HYAL4: variants seen among roughly 807,000 people sequenced by gnomAD.
HYAL4 encodes hyaluronidase 4, also known as hyaluronidase-4.
HYAL4 carries 37 observed loss-of-function variants against 35.2 expected under a neutral mutation model. The ratio of observed to expected loss-of-function variants is 1.05; its 90% CI spans 0.81 to 1.38. HYAL4 has a LOEUF of 1.38. HYAL4 is among the 40% of genes most tolerant of loss of function. The pLI, the probability that HYAL4 is intolerant of heterozygous loss-of-function variation, is 0.00. For synonymous variants in HYAL4, 198 were observed against 203.2 expected, an observed-to-expected ratio of 0.97 and a Z score of 0.22; for missense variants, 572 against 572.4, an observed-to-expected ratio of 1.00 and a Z score of 0.01.
chr7:123,876,399 C>A (rs1054378707), intron 4 of HYAL4, among the ~76,000 whole-genome samples: 1 of 152,124 alleles, frequency 6.6e-6, no homozygotes, highest in Non-Finnish European at 1.5e-5. Flanking sequence ...TCCTTTTATA[C>A]CCATTAACTT....
At chr7:123,801,346 T>C in the HYAL4 span, among the ~76,000 whole-genome samples, 54,058 of 152,020 alleles carry the variant, frequency 0.36, 9,876 homozygotes, top group Middle Eastern at 0.43. Flanking sequence ...AGTTATTAAT[T>C]CAGAAAAGGA....
the HYAL4 span, among the ~76,000 whole-genome samples, chr7:123,808,083 C>T: frequency 2.0e-5 from 3 of 151,792 alleles, no homozygotes; most frequent in Non-Finnish European, 2.9e-5. Context: ...CCAGCCAGGG[C>T]TCAAGCTTTC....
chr7:123,796,658 A>G, the HYAL4 span, among the ~76,000 whole-genome samples: 1 of 152,232 alleles, frequency 6.6e-6, no homozygotes, highest in East Asian at 1.9e-4. Context: ...AGCAGTATTC[A>G]TAATAGCCAA....
intron 3 of HYAL4, among the ~76,000 whole-genome samples, chr7:123,873,592 G>A (rs1209805067): frequency 6.6e-6 from 1 of 152,102 alleles, no homozygotes; most frequent in Non-Finnish European, 1.5e-5. Context: ...CGTTTAATTG[G>A]TAGAAATTCA....
At chr7:123,805,240 T>C in the HYAL4 span, among the ~76,000 whole-genome samples, 1 of 152,362 alleles carries the variant, frequency 6.6e-6, no homozygotes, top group African/African-American at 2.4e-5. Flanking sequence ...GACTTTCATA[T>C]ATTAATCTTG....
At chr7:123,786,633 A>G in the HYAL4 span, among the ~76,000 whole-genome samples, 1 of 152,116 alleles carries the variant, frequency 6.6e-6, no homozygotes, top group Non-Finnish European at 1.5e-5. Context: ...AATCTAGTAA[A>G]TGGGGTAGTT....
chr7:123,776,908 CAG>C, the HYAL4 span, among the ~76,000 whole-genome samples: 1 of 152,178 alleles, frequency 6.6e-6, no homozygotes, highest in Admixed American at 6.5e-5. Context: ...AGTGGCTTCT[CAG>C]CCAAGGTTGG....
At chr7:123,795,075 A>T in the HYAL4 span, among the ~76,000 whole-genome samples, 1 of 152,226 alleles carries the variant, frequency 6.6e-6, no homozygotes, top group African/African-American at 2.4e-5. Flanking sequence ...GTCAAAGGAG[A>T]TAATTTTTTA....
intron 2 of HYAL4, among the ~76,000 whole-genome samples, chr7:123,853,732 C>G (rs1806365826): frequency 6.6e-6 from 1 of 152,168 alleles, no homozygotes; most frequent in African/African-American, 2.4e-5. Flanking sequence ...CAGGATGATG[C>G]TGGCCTCATA....
intron 2 of HYAL4, 51 bp from the exon 3 acceptor site, chr7:123,868,172 G>C (rs1794762594): frequency 1.9e-6 from 1 of 524,300 alleles, no homozygotes; most frequent in Non-Finnish European, 3.3e-6. Flanking sequence ...TTTATTATTT[G>C]AGTCTTTTTC....
the HYAL4 span, among the ~76,000 whole-genome samples, chr7:123,772,859 C>T: frequency 6.6e-6 from 1 of 152,140 alleles, no homozygotes; most frequent in Non-Finnish European, 1.5e-5. Flanking sequence ...GAGGGCCATC[C>T]ACCAAGTGAG....
chr7:123,870,600 A>G (rs1176552989), intron 3 of HYAL4, among the ~76,000 whole-genome samples: 1 of 152,022 alleles, frequency 6.6e-6, no homozygotes, highest in African/African-American at 2.4e-5. Flanking sequence ...CATCTCTACT[A>G]AAAATACAAA....
chr7:123,807,278 T>C, the HYAL4 span, among the ~76,000 whole-genome samples: 1 of 152,112 alleles, frequency 6.6e-6, no homozygotes, highest in African/African-American at 2.4e-5. Context: ...TCTTTTTCTT[T>C]TCATAAAAGC....
the HYAL4 span, among the ~76,000 whole-genome samples, chr7:123,803,028 T>C: frequency 6.6e-6 from 1 of 152,180 alleles, no homozygotes; most frequent in Non-Finnish European, 1.5e-5. Flanking sequence ...GTAAATTCAG[T>C]TGAGTACCAC....
At chr7:123,858,579 G>A (rs1393854921) in intron 2 of HYAL4, among the ~76,000 whole-genome samples, 1 of 152,002 alleles carries the variant, frequency 6.6e-6, no homozygotes, top group African/African-American at 2.4e-5. Context: ...TAGTGTGCAA[G>A]ATCCTCTCCC....
the HYAL4 span, among the ~76,000 whole-genome samples, chr7:123,802,540 T>C: frequency 6.6e-6 from 1 of 152,156 alleles, no homozygotes; most frequent in African/African-American, 2.4e-5. Flanking sequence ...TTGGCTACAT[T>C]TATTATTAAT....
chr7:123,831,452 G>C (rs1484770279), intron 1 of HYAL4, among the ~76,000 whole-genome samples: 1 of 152,102 alleles, frequency 6.6e-6, no homozygotes, highest in Non-Finnish European at 1.5e-5. Flanking sequence ...TTTTTTGTGT[G>C]TAATATGATT....
chr7:123,844,635 C>T (rs1469603413), upstream of HYAL4, among the ~76,000 whole-genome samples: 1 of 152,210 alleles, frequency 6.6e-6, no homozygotes, highest in African/African-American at 2.4e-5. Flanking sequence ...GTCCTGCCCA[C>T]AGAGATGGAG....
chr7:123,765,251 C>T, the HYAL4 span, among the ~76,000 whole-genome samples: 2 of 151,806 alleles, frequency 1.3e-5, no homozygotes, highest in Non-Finnish European at 2.9e-5. Flanking sequence ...AAGATGATAA[C>T]AGAGATGCTT....
Sources: gnomAD v4.1 joint callset for allele counts (sites outside exome capture counted in the v4.1 genomes callset) on GRCh38, gnomAD v4.1.1 for gene constraint, MANE v1.5 for transcripts, NCBI Gene and HGNC (gene_info 2026-07-23, HGNC 2026-07-21) for gene names.